Variants in LRMDA observed in about 807,000 individuals in gnomAD.
The protein encoded by LRMDA is leucine-rich melanocyte differentiation-associated protein.
Under a neutral mutation model 29.8 loss-of-function variants are expected in LRMDA, and 18 were observed. That is an observed-to-expected ratio of 0.60 (90% confidence interval 0.42 to 0.90). LRMDA has a LOEUF of 0.90. Ranked by LOEUF, LRMDA falls within the 40% of genes least tolerant of loss-of-function variation. LRMDA has a pLI of 0.00. For synonymous variants in LRMDA, 125 were observed against 109.4 expected, an observed-to-expected ratio of 1.14 and a Z score of -0.89; for missense variants, 273 against 273.9, an observed-to-expected ratio of 1.00 and a Z score of 0.02.
intron 2 of LRMDA, among the ~76,000 whole-genome samples, chr10:75,989,471 AG>A (rs1436690207): frequency 1.3e-5 from 2 of 152,230 alleles, no homozygotes; most frequent in Admixed American, 1.3e-4. Flanking sequence ...ACAGCTCCAA[AG>A]GGGATGGTGT....
At chr10:75,709,317 A>G (rs1842407070) in intron 2 of LRMDA, among the ~76,000 whole-genome samples, 1 of 152,130 alleles carries the variant, frequency 6.6e-6, no homozygotes. Flanking sequence ...ACATTTTTGC[A>G]TGAGGGTATG....
At chr10:76,312,824 T>C (rs1412318703) in intron 5 of LRMDA, among the ~76,000 whole-genome samples, 2 of 151,728 alleles carry the variant, frequency 1.3e-5, no homozygotes, top group African/African-American at 2.4e-5. Context: ...ATAATGCCTA[T>C]TTAATTATGA....
intron 2 of LRMDA, among the ~76,000 whole-genome samples, chr10:75,455,171 A>G (rs1182000763): frequency 6.6e-6 from 1 of 152,152 alleles, no homozygotes; most frequent in Non-Finnish European, 1.5e-5. Flanking sequence ...CAATAGACTA[A>G]TCCTTTGACT....
At chr10:76,173,788 G>A (rs1850882570) in intron 5 of LRMDA, among the ~76,000 whole-genome samples, 1 of 152,244 alleles carries the variant, frequency 6.6e-6, no homozygotes, top group Non-Finnish European at 1.5e-5. Flanking sequence ...AGCCTCCCGA[G>A]TAGCTGGGAC....
At chr10:75,893,793 G>C (rs1464413333) in intron 2 of LRMDA, among the ~76,000 whole-genome samples, 1 of 152,026 alleles carries the variant, frequency 6.6e-6, no homozygotes, top group Non-Finnish European at 1.5e-5. Flanking sequence ...AATTAGCTGG[G>C]CGTGGTGGCA....
chr10:75,836,267 A>T (rs967386653), intron 2 of LRMDA, among the ~76,000 whole-genome samples: 2 of 152,208 alleles, frequency 1.3e-5, no homozygotes, highest in African/African-American at 4.8e-5. Flanking sequence ...GCTGCAGCCA[A>T]CACATGTTAT....
At chr10:76,130,815 A>G (rs1425521811) in intron 5 of LRMDA, among the ~76,000 whole-genome samples, 3 of 152,106 alleles carry the variant, frequency 2.0e-5, no homozygotes, top group Non-Finnish European at 4.4e-5. Context: ...GCCCACCACC[A>G]TGCCCAGCTA....
chr10:76,014,443 T>A (rs1847849595), intron 2 of LRMDA, among the ~76,000 whole-genome samples: 1 of 152,014 alleles, frequency 6.6e-6, no homozygotes, highest in African/African-American at 2.4e-5. Flanking sequence ...ATAAATGACT[T>A]GCTCTCACAT....
chr10:75,893,295 G>T (rs762224158), intron 2 of LRMDA, among the ~76,000 whole-genome samples: 5 of 152,092 alleles, frequency 3.3e-5, no homozygotes, highest in Non-Finnish European at 5.9e-5. Flanking sequence ...ATCTCCATCT[G>T]CCCTGAAATT....
chr10:76,321,804 A>G (rs1840774669), intron 5 of LRMDA, among the ~76,000 whole-genome samples: 2 of 151,998 alleles, frequency 1.3e-5, no homozygotes, highest in Non-Finnish European at 2.9e-5. Context: ...AATTAGCTGG[A>G]TATGATGGCA....
intron 5 of LRMDA, among the ~76,000 whole-genome samples, chr10:76,080,571 T>G (rs1482108461): frequency 6.6e-6 from 1 of 152,240 alleles, no homozygotes; most frequent in Non-Finnish European, 1.5e-5. Context: ...TCTGCAATTC[T>G]GCAATTTATG....
intron 5 of LRMDA, among the ~76,000 whole-genome samples, chr10:76,244,548 A>G (rs146799406): frequency 3.3e-5 from 5 of 152,206 alleles, no homozygotes; most frequent in Non-Finnish European, 7.4e-5. Flanking sequence ...ATGCAGCCCT[A>G]TAGAGAAGCA....
chr10:76,494,128 T>C (rs1211310449), intron 6 of LRMDA, among the ~76,000 whole-genome samples: 1 of 151,962 alleles, frequency 6.6e-6, no homozygotes, highest in Non-Finnish European at 1.5e-5. Context: ...ATAACAGTTT[T>C]CTTTCTTTCT....
intron 2 of LRMDA, among the ~76,000 whole-genome samples, chr10:75,598,085 A>G (rs1178279305): frequency 2.0e-5 from 3 of 152,168 alleles, no homozygotes; most frequent in Non-Finnish European, 4.4e-5. Context: ...GCAAACCTTA[A>G]ATGACACGTT....
chr10:75,825,922 C>T (rs1844240109), intron 2 of LRMDA, among the ~76,000 whole-genome samples: 1 of 152,124 alleles, frequency 6.6e-6, no homozygotes, highest in Admixed American at 6.5e-5. Context: ...ACATAAACAG[C>T]GGCTGCATGT....
chr10:75,590,688 G>C (rs1840711601), intron 2 of LRMDA, among the ~76,000 whole-genome samples: 1 of 142,014 alleles, frequency 7.0e-6, no homozygotes, highest in African/African-American at 2.7e-5. Context: ...TTTAAGACTT[G>C]AGATGTACCT....
intron 5 of LRMDA, among the ~76,000 whole-genome samples, chr10:76,166,366 A>G (rs1219155280): frequency 1.3e-5 from 2 of 152,190 alleles, no homozygotes; most frequent in Non-Finnish European, 2.9e-5. Flanking sequence ...TTTGTTATAT[A>G]GGTAAACTTC....
At chr10:76,261,804 G>A (rs1004319669) in intron 5 of LRMDA, among the ~76,000 whole-genome samples, 13 of 152,154 alleles carry the variant, frequency 8.5e-5, no homozygotes, top group South Asian at 6.2e-4. Flanking sequence ...GGATGAACCC[G>A]TCATATAAAC....
At chr10:76,503,628 A>G (rs964583183) in intron 6 of LRMDA, among the ~76,000 whole-genome samples, 4 of 151,742 alleles carry the variant, frequency 2.6e-5, no homozygotes, top group Non-Finnish European at 5.9e-5. Context: ...GTTGTTCATA[A>G]TAGTCTCTGA....
Sources: gnomAD v4.1 joint callset for allele counts (sites outside exome capture counted in the v4.1 genomes callset) on GRCh38, gnomAD v4.1.1 for gene constraint, MANE v1.5 for transcripts, NCBI Gene and HGNC (gene_info 2026-07-23, HGNC 2026-07-21) for gene names.